The following SLC9A7 variants were observed in gnomAD, a reference collection of about 807,000 sequenced individuals.
SLC9A7 encodes the protein solute carrier family 9 member A7.
In SLC9A7, 19 loss-of-function variants were observed where a neutral mutation model predicts 52.6. The observed-to-expected ratio is 0.36, with a 90% CI of 0.25 to 0.53. The LOEUF (loss-of-function observed/expected upper bound fraction) is 0.53, where lower values mean the gene tolerates loss of function less well. Ranked by LOEUF, SLC9A7 falls within the 20% of genes least tolerant of loss-of-function variation. SLC9A7 has a pLI of 0.91. For missense variants in SLC9A7, 455 were observed against 597.9 expected (o/e 0.76, Z 2.49); for synonymous variants, 226 against 252.1 (o/e 0.90, Z 0.98).
intron 1 of SLC9A7, among the ~76,000 whole-genome samples, chrX:46,707,838 C>T (rs961825360): frequency 1.1e-4 from 12 of 112,402 alleles, no homozygotes; most frequent in Non-Finnish European, 2.1e-4. Context: ...CTCTCGAGTT[C>T]AAGTAATTCT....
intron 11 of SLC9A7, among the ~76,000 whole-genome samples, chrX:46,646,298 C>T (rs1216578300): frequency 9.0e-6 from 1 of 111,118 alleles, no homozygotes; most frequent in Non-Finnish European, 1.9e-5. Context: ...TACACAAAGC[C>T]CTGGTAAAAA....
At chrX:46,646,265 C>T (rs1943490883) in intron 11 of SLC9A7, among the ~76,000 whole-genome samples, 1 of 110,743 alleles carries the variant, frequency 9.0e-6, no homozygotes, top group Non-Finnish European at 1.9e-5. Context: ...TCCTCCCTAT[C>T]TCCTACTCAA....
At chrX:46,628,729 A>G (rs1602149570) in intron 14 of SLC9A7, among the ~76,000 whole-genome samples, 1 of 112,677 alleles carries the variant, frequency 8.9e-6, no homozygotes, top group African/African-American at 3.2e-5. Context: ...GGTGGAGAAC[A>G]AACATCTGGA....
chrX:46,717,881 C>T (rs1197473287), intron 1 of SLC9A7, among the ~76,000 whole-genome samples: 1 of 111,275 alleles, frequency 9.0e-6, no homozygotes, highest in Admixed American at 9.6e-5. Context: ...CAAGGTAATT[C>T]ATAGATTCAA....
At chrX:46,612,380 C>T (rs1942865799) in intron 16 of SLC9A7, among the ~76,000 whole-genome samples, 1 of 111,688 alleles carries the variant, frequency 9.0e-6, no homozygotes, top group Admixed American at 9.5e-5. Context: ...GCCCTGTACC[C>T]TGCAACCCAC....
In SLC9A7 at chrX:46,759,058, A is replaced by G; in HGVS notation, c.-29T>C. On this transcript the variant is annotated 5_prime_UTR_variant, in exon 1 of 17. Coordinates refer to ENST00000616978, the MANE Select transcript of SLC9A7 (RefSeq NM_001257291.2). The stretch of plus-strand genomic sequence containing the variant: ...CCCGGGGCCCCCCGCGCCTCCTCCG[A>G]GCGGGGACCAGCAGCCCGCGCCGTC... 2 of 878,646 alleles carry G rather than the reference A, an allele frequency of 2.3e-6. No individual in the cohort carries two copies. Among genetic ancestry groups the G allele is most frequent in the Non-Finnish European group, 2.8e-6 (2 of 711,195 alleles). 72.4% of individuals were successfully genotyped at this position (878,646 alleles called of 1,213,427 possible). A position where few individuals can be genotyped will look rare whatever the true frequency, so the allele number is the denominator to read the frequency against.
rs183833416 is a variant in SLC9A7 at position 46,674,703 on chromosome X, G to A, written c.604-2076C>T. Among the ~76,000 whole-genome samples, 163 of 111,635 alleles carry A rather than the reference G, an allele frequency of 1.5e-3. 1 individual carries two copies. The highest frequency in any genetic ancestry group is 2.0e-3 in the Non-Finnish European group (106 of 53,128). Reference sequence around the variant, plus strand: ...GGGAAAGAAAGGACAGGAGGTGTCCGGTAAAATCCTAGATCTTTCATCCCA... The same window carrying A: ...GGGAAAGAAAGGACAGGAGGTGTCCAGTAAAATCCTAGATCTTTCATCCCA... On this transcript the variant is annotated intron_variant, in intron 3 of 16. Coordinates refer to ENST00000616978, the MANE Select transcript of SLC9A7 (RefSeq NM_001257291.2).
intron 14 of SLC9A7, among the ~76,000 whole-genome samples, chrX:46,627,773 C>A (rs1470312418): frequency 1.7e-4 from 2 of 11,448 alleles, no homozygotes; most frequent in Non-Finnish European, 3.0e-4. Flanking sequence ...AAAAAATGGG[C>A]GGGTTGGGGG....
rs1403486581 is a variant in SLC9A7 at position 46,730,665 on chromosome X, A to AAAAT, written c.325+28039_325+28040insATTT. 6.9e-3 allele frequency among the ~76,000 whole-genome samples: 160 copies of AAAAT among 23,258 alleles called. 2 individuals carry two copies. Among genetic ancestry groups the AAAAT allele is most frequent in the African/African-American group, 0.013 (143 of 10,723 alleles). The allele number at this position is 23,258 out of a possible 115,157, so 20.2% of individuals were successfully genotyped here. A position where few individuals can be genotyped will look rare whatever the true frequency, so the allele number is the denominator to read the frequency against. ...ACAGAGCGAGACTGTCTCAAAAAAA[A>AAAAT]AAAATTATATATATATATATATATA... On this transcript the variant is annotated intron_variant, in intron 1 of 16. Transcript: ENST00000616978.
At chrX:46,642,304 T>C (rs1279757037) in intron 12 of SLC9A7, among the ~76,000 whole-genome samples, 4 of 112,930 alleles carry the variant, frequency 3.5e-5, no homozygotes, top group African/African-American at 3.2e-5. Context: ...AGAAAAACCA[T>C]TGCCACCTTG....
rs750818405 is a variant in SLC9A7, at chrX:46,671,655, TG to T, written c.680+895del. On this transcript the variant is annotated intron_variant, in intron 4 of 16. Transcript: ENST00000616978. ...GAATATCCTTCGACTAGGATTTGTC[TG>T]ATTTTTTTTCTCATGGTTAGACTGA... Among the ~76,000 whole-genome samples the T allele has an allele frequency of 5.4e-5, 6 of 112,078 alleles. No individual in the cohort carries two copies. In the East Asian group the frequency reaches 1.7e-3, roughly 31 times the overall value.
Position 46,600,292 on chromosome X carries a change from C to A in SLC9A7, c.*6660G>T, listed in dbSNP as rs1361553709. On this transcript the variant is annotated 3_prime_UTR_variant, in exon 17 of 17. Coordinates refer to ENST00000616978, the MANE Select transcript of SLC9A7 (RefSeq NM_001257291.2). ...TGAGGTTTCCATGCTGTTTACAAGT[C>A]CTTTTCTATCTGAGTTCCTCCAACA... The A allele has an allele frequency of 1.8e-5, 2 of 112,164 alleles. No individual in the cohort carries two copies. The highest frequency in any genetic ancestry group is 3.8e-5 in the Non-Finnish European group (2 of 53,272). The allele number at this position is 112,164 out of a possible 1,213,427, so 9.2% of individuals were successfully genotyped here.
intron 1 of SLC9A7, among the ~76,000 whole-genome samples, chrX:46,738,285 G>A (rs1311179940): frequency 1.8e-5 from 2 of 111,520 alleles, no homozygotes; most frequent in East Asian, 2.8e-4. Flanking sequence ...GGCCTTTTGA[G>A]GCAGAAAAAA....
chrX:46,618,210 G>A (rs1034443622), intron 15 of SLC9A7, among the ~76,000 whole-genome samples: 8 of 111,498 alleles, frequency 7.2e-5, no homozygotes, highest in Non-Finnish European at 1.3e-4. Context: ...TGAGGAAGAA[G>A]ATGGAAACCA....
At chrX:46,753,137 C>T (rs1922359626) in intron 1 of SLC9A7, among the ~76,000 whole-genome samples, 1 of 112,163 alleles carries the variant, frequency 8.9e-6, no homozygotes, top group Non-Finnish European at 1.9e-5. Flanking sequence ...CCACATAGTA[C>T]AATCTTCTGT....
At chrX:46,643,128 C>CT in intron 12 of SLC9A7, 108 bp downstream of exon 12, 4 of 737,795 alleles carry the variant, frequency 5.4e-6, no homozygotes, top group Non-Finnish European at 7.6e-6. Context: ...AAACCAAAGA[C>CT]TGTAAAAGGT....
Position 46,746,984 on chromosome X carries a change from C to T in SLC9A7, c.325+11721G>A, listed in dbSNP as rs866354141. ...CATAAAAAAGAATGAAATCCTCTTG[C>T]TCACAGTAGGATGGATGGAACTGGA... On this transcript the variant is annotated intron_variant, in intron 1 of 16. Coordinates refer to ENST00000616978, the MANE Select transcript of SLC9A7 (RefSeq NM_001257291.2). Among the ~76,000 whole-genome samples, 38 of 112,222 alleles carry T rather than the reference C, an allele frequency of 3.4e-4. 1 individual carries two copies. The highest frequency in any genetic ancestry group is 4.6e-3 in the Middle Eastern group (1 of 216).
intron 1 of SLC9A7, among the ~76,000 whole-genome samples, chrX:46,694,928 C>A (rs2146900935): frequency 8.9e-6 from 1 of 111,932 alleles, no homozygotes. Context: ...ATGGATGAAC[C>A]TAAAAGATAT....
At chrX:46,686,144 A>G (rs1423050258) in intron 1 of SLC9A7, among the ~76,000 whole-genome samples, 1 of 112,277 alleles carries the variant, frequency 8.9e-6, no homozygotes, top group Non-Finnish European at 1.9e-5. Context: ...ATTGCTTTTT[A>G]AAGTTGTAAA....
Sources: allele counts gnomAD v4.1 joint callset (sites outside exome capture counted in the v4.1 genomes callset), GRCh38; gene constraint gnomAD v4.1.1; transcripts MANE v1.5; gene names NCBI Gene and HGNC (gene_info 2026-07-23, HGNC 2026-07-21).